MAVS: variants seen among roughly 807,000 people sequenced by gnomAD.
MAVS encodes mitochondrial antiviral-signaling protein.
In MAVS, 20 loss-of-function variants were observed where a neutral mutation model predicts 30.2. The observed-to-expected ratio is 0.66, with a 90% CI of 0.47 to 0.96. MAVS has a LOEUF of 0.96. Among genes scored for constraint, MAVS ranks in the 40% least tolerant of loss-of-function variants. MAVS has a pLI of 0.00. For synonymous variants in MAVS, 278 were observed against 293.9 expected (o/e 0.95, Z 0.55); for missense variants, 624 against 701.1 (o/e 0.89, Z 1.24).
In MAVS at chr20:3,873,759, G is replaced by A. The variant is rs760450024; in HGVS notation, c.*7612G>A. Reference sequence around the variant, plus strand: ...TGGACTTCCCAGCCTCTAGAACTGTGAGAAATAATTTTTTGTTGTTTACAA... The same window carrying A: ...TGGACTTCCCAGCCTCTAGAACTGTAAGAAATAATTTTTTGTTGTTTACAA... On this transcript the variant is annotated 3_prime_UTR_variant, in exon 7 of 7. Coordinates refer to ENST00000428216, the MANE Select transcript of MAVS (RefSeq NM_020746.5). The A allele has an allele frequency of 1.1e-5, 2 of 184,282 alleles. No homozygotes were observed. The highest frequency in any genetic ancestry group is 2.2e-5 in the Non-Finnish European group (2 of 90,128). The allele number at this position is 184,282 out of a possible 1,614,324, so 11.4% of individuals were successfully genotyped here.
intron 1 of MAVS, among the ~76,000 whole-genome samples, chr20:3,849,733 C>T (rs1313836818): frequency 2.6e-5 from 4 of 152,148 alleles, no homozygotes; most frequent in African/African-American, 4.8e-5. Context: ...GTCTCATTAC[C>T]TGCTTTACTT....
chr20:3,867,069 T>C lies in MAVS; in HGVS notation c.*922T>C, dbSNP rs1341590962. On this transcript the variant is annotated 3_prime_UTR_variant, in exon 7 of 7. Coordinates refer to ENST00000428216, the MANE Select transcript of MAVS (RefSeq NM_020746.5). ...TGCCAAGTGCCTGGCCCAGAGCAAG[T>C]GGCCACTGCTTCTCCCATCTCTCTC... The C allele has an allele frequency of 2.0e-5, 9 of 456,612 alleles. No individual in the cohort carries two copies. The highest frequency in any genetic ancestry group is 3.1e-5 in the Non-Finnish European group (7 of 226,972). 28.3% of individuals were successfully genotyped at this position (456,612 alleles called of 1,614,324 possible).
chr20:3,866,262 G>C lies in MAVS; in HGVS notation c.*115G>C. 9.9e-7 allele frequency: 1 copy of C among 1,012,290 alleles called. No homozygotes were observed. Among genetic ancestry groups the C allele is most frequent in the South Asian group, 1.7e-5 (1 of 58,920 alleles). The allele number at this position is 1,012,290 out of a possible 1,614,324, so 62.7% of individuals were successfully genotyped here. A position where few individuals can be genotyped will look rare whatever the true frequency, so the allele number is the denominator to read the frequency against. ...ATTGTGGAGGCTGGGTCAGAGGGGA[G>C]TTAAGGGACTGCAGGCCTGGCAGCA... On this transcript the variant is annotated 3_prime_UTR_variant, in exon 7 of 7. Coordinates refer to ENST00000428216, the MANE Select transcript of MAVS (RefSeq NM_020746.5).
rs2089905007 is a variant in MAVS, at chr20:3,866,013, G to A, written c.1489G>A (p.Ala497Thr). Residue 497 changes from alanine (A) to threonine (T), a missense_variant, in exon 7 of 7, where the codon GCC becomes ACC. Physicochemically the swap from Ala to Thr is moderately conservative, Grantham distance 58 (BLOSUM62 0). Coordinates refer to ENST00000428216, the MANE Select transcript of MAVS (RefSeq NM_020746.5). ...CCCGGATGGCGGCCCCAGGCCACAA[G>A]CCGACCGGAAGTTCCAGGAGAGGGA... ...ADPDGGPRPQ[A>T]DRKFQEREVP... 7 of 1,612,726 alleles carry A rather than the reference G, an allele frequency of 4.3e-6. No homozygotes were observed. The East Asian group carries it at 1.6e-4, about 36-fold the overall frequency.
rs1003888128 is a variant in MAVS at position 3,868,959 on chromosome 20, G to A, written c.*2812G>A. On this transcript the variant is annotated 3_prime_UTR_variant, in exon 7 of 7. Transcript: ENST00000428216. ...ACCCTGGGTAAGGCATGTAGAAAGGGTTGAGGGACCTTCCCAGTCCCCTAG... is the reference window on the plus strand; with the variant it reads ...ACCCTGGGTAAGGCATGTAGAAAGGATTGAGGGACCTTCCCAGTCCCCTAG... The A allele has an allele frequency of 6.6e-6, 1 of 152,294 alleles. No individual in the cohort carries two copies. The highest frequency in any genetic ancestry group is 1.5e-5 in the Non-Finnish European group (1 of 68,028). 9.4% of individuals were successfully genotyped at this position (152,294 alleles called of 1,614,324 possible). A position where few individuals can be genotyped will look rare whatever the true frequency, so the allele number is the denominator to read the frequency against.
intron 3 of MAVS, among the ~76,000 whole-genome samples, chr20:3,859,812 T>C (rs2089848966): frequency 1.3e-5 from 2 of 151,884 alleles, no homozygotes; most frequent in Non-Finnish European, 2.9e-5. Flanking sequence ...TGCCAAGTGA[T>C]GCTTGTCACT....
intron 2 of MAVS, 141 bp from the exon 3 acceptor site, chr20:3,857,494 C>A: frequency 2.1e-6 from 2 of 952,558 alleles, no homozygotes; most frequent in Non-Finnish European, 3.1e-6. Context: ...TGGCCCTGTC[C>A]TGGGCTCCGA....
At chr20:3,850,274 C>CAAAAA in intron 1 of MAVS, among the ~76,000 whole-genome samples, 1 of 44,458 alleles carries the variant, frequency 2.2e-5, no homozygotes, top group Non-Finnish European at 4.1e-5. Flanking sequence ...GAGACTGTCT[C>CAAAAA]AAAAAAAAAA....
rs762014329 is a variant in MAVS at position 3,865,984 on chromosome 20, C to G, written c.1460C>G (p.Ala487Gly). 5.0e-6 allele frequency: 8 copies of G among 1,613,076 alleles called. No homozygotes were observed. In the South Asian group the frequency reaches 8.8e-5, roughly 18 times the overall value. Reference protein sequence around the residue: ...QLLEGNPGPPADPDGGPRPQA... With the variant: ...QLLEGNPGPPGDPDGGPRPQA... ...CTGGAGGGCAACCCTGGGCCACCTGCGGACCCGGATGGCGGCCCCAGGCCA... is the reference window on the plus strand; with the variant it reads ...CTGGAGGGCAACCCTGGGCCACCTGGGGACCCGGATGGCGGCCCCAGGCCA... The change falls in exon 7 of 7, where the codon GCG becomes GGG. Residue 487 changes from alanine to glycine, a missense_variant. By Grantham distance (60) the Ala-to-Gly change is moderately conservative (BLOSUM62 0). Coordinates refer to ENST00000428216, the MANE Select transcript of MAVS (RefSeq NM_020746.5). The surrounding 1 kb of genome is among the most constrained non-coding windows in gnomAD (Gnocchi z 4.7).
chr20:3,850,834 C>T (rs1172157339), intron 1 of MAVS, among the ~76,000 whole-genome samples: 1 of 148,088 alleles, frequency 6.8e-6, no homozygotes, highest in Admixed American at 6.9e-5. Context: ...TGCAGTGAGC[C>T]GAGATTGCAC....
At position 3,866,673 on chromosome 20, in the gene MAVS, G is replaced by T. The variant is rs2089911426; in HGVS notation, c.*526G>T. ...GCGGCAGGGTGGCTGCTCTCCAGGA[G>T]CCCAACTGCCTTGAGTTCCTGCCCC... is the stretch of plus-strand genomic sequence containing the variant. On this transcript the variant is annotated 3_prime_UTR_variant, in exon 7 of 7. Transcript: ENST00000428216. 5.6e-6 allele frequency: 2 copies of T among 355,728 alleles called. No individual in the cohort carries two copies. Among genetic ancestry groups the T allele is most frequent in the Non-Finnish European group, 5.5e-6 (1 of 180,350 alleles). 22.0% of individuals were successfully genotyped at this position (355,728 alleles called of 1,614,324 possible). A position where few individuals can be genotyped will look rare whatever the true frequency, so the allele number is the denominator to read the frequency against.
Position 3,871,939 on chromosome 20 carries a change from C to A in MAVS, c.*5792C>A, listed in dbSNP as rs2089958749. On this transcript the variant is annotated 3_prime_UTR_variant, in exon 7 of 7. Transcript: ENST00000428216. The stretch of plus-strand genomic sequence containing the variant: ...GCCAGGCATTAAGCTAAGTGCTTTA[C>A]ATATATTAAGTCATTTAATCCTCAT... The A allele has an allele frequency of 6.6e-6, 1 of 152,318 alleles. No individual in the cohort carries two copies. Among genetic ancestry groups the A allele is most frequent in the Non-Finnish European group, 1.5e-5 (1 of 68,036 alleles). 9.4% of individuals were successfully genotyped at this position (152,318 alleles called of 1,614,324 possible). A position where few individuals can be genotyped will look rare whatever the true frequency, so the allele number is the denominator to read the frequency against.
At chr20:3,848,195 G>A (rs955125879) in intron 1 of MAVS, among the ~76,000 whole-genome samples, 2 of 151,996 alleles carry the variant, frequency 1.3e-5, no homozygotes, top group African/African-American at 4.8e-5. Flanking sequence ...TGCCTCCTGG[G>A]TCTAGAGATT....
chr20:3,867,254 C>T lies in MAVS; in HGVS notation c.*1107C>T. The T allele has an allele frequency of 2.8e-6, 1 of 358,264 alleles. No individual in the cohort carries two copies. Among genetic ancestry groups the T allele is most frequent in the South Asian group, 2.1e-5 (1 of 48,170 alleles). 22.2% of individuals were successfully genotyped at this position (358,264 alleles called of 1,614,324 possible). A position where few individuals can be genotyped will look rare whatever the true frequency, so the allele number is the denominator to read the frequency against. On this transcript the variant is annotated 3_prime_UTR_variant, in exon 7 of 7. Coordinates refer to ENST00000428216, the MANE Select transcript of MAVS (RefSeq NM_020746.5). ...TTATCTGTCTGTCCCTTAGTTTTCT[C>T]ACCTGTAAAAGGAGGATAAGTATAT...
chr20:3,854,560 T>C lies in MAVS; in HGVS notation c.-65T>C. 6 of 1,120,842 alleles carry C rather than the reference T, an allele frequency of 5.4e-6. No individual in the cohort carries two copies. Among genetic ancestry groups the C allele is most frequent in the Non-Finnish European group, 6.6e-6 (5 of 754,538 alleles). 69.4% of individuals were successfully genotyped at this position (1,120,842 alleles called of 1,614,324 possible). A position where few individuals can be genotyped will look rare whatever the true frequency, so the allele number is the denominator to read the frequency against. On this transcript the variant is annotated splice_region_variant and 5_prime_UTR_variant, in exon 2 of 7. Coordinates refer to ENST00000428216, the MANE Select transcript of MAVS (RefSeq NM_020746.5). The stretch of plus-strand genomic sequence containing the variant: ...ATGTGTGATCTGTTTTCTTCCAGTC[T>C]CGTTTCCTCTCAGTCCATCCACCCT...
chr20:3,848,253 C>T (rs758644683), intron 1 of MAVS, among the ~76,000 whole-genome samples: 36 of 152,234 alleles, frequency 2.4e-4, no homozygotes, highest in East Asian at 5.8e-4. Context: ...TGTGTGCCAC[C>T]ATGCCTGGCT....
Position 3,870,154 on chromosome 20 carries a change from A to G in MAVS, c.*4007A>G, listed in dbSNP as rs1173977269. ...CAGATAATGTGGAGGTCAGAACCCAAGGAAGGGAGTGAGACCTCCACTCCC... is the reference window on the plus strand; with the variant it reads ...CAGATAATGTGGAGGTCAGAACCCAGGGAAGGGAGTGAGACCTCCACTCCC... On this transcript the variant is annotated 3_prime_UTR_variant, in exon 7 of 7. Coordinates refer to ENST00000428216, the MANE Select transcript of MAVS (RefSeq NM_020746.5). The G allele has an allele frequency of 4.6e-5, 7 of 152,242 alleles. No homozygotes were observed. The highest frequency in any genetic ancestry group is 4.6e-4 in the Admixed American group (7 of 15,274). The allele number at this position is 152,242 out of a possible 1,614,324, so 9.4% of individuals were successfully genotyped here. A position where few individuals can be genotyped will look rare whatever the true frequency, so the allele number is the denominator to read the frequency against.
rs1282176965 is a variant in MAVS, at chr20:3,875,402, G to A, written c.*9255G>A. On this transcript the variant is annotated 3_prime_UTR_variant, in exon 7 of 7. Transcript: ENST00000428216. ...TGTACTCCAGCCTGGGTGACAGAGC[G>A]AGACCCAGACTCAAAAAATAAAAAT... The A allele has an allele frequency of 6.6e-6, 1 of 151,046 alleles. No homozygotes were observed. Among genetic ancestry groups the A allele is most frequent in the Non-Finnish European group, 1.5e-5 (1 of 67,918 alleles). 9.4% of individuals were successfully genotyped at this position (151,046 alleles called of 1,614,324 possible).
intron 3 of MAVS, among the ~76,000 whole-genome samples, chr20:3,860,861 G>C (rs1259523490): frequency 3.3e-5 from 5 of 151,982 alleles, no homozygotes; most frequent in Non-Finnish European, 7.4e-5. Context: ...ATTTTTAGTA[G>C]AGACGGGGTT....
Sources: allele counts gnomAD v4.1 joint callset (sites outside exome capture counted in the v4.1 genomes callset), GRCh38; gene constraint gnomAD v4.1.1; non-coding constraint Gnocchi (gnomAD v3.1); transcripts MANE v1.5; gene names NCBI Gene and HGNC (gene_info 2026-07-23, HGNC 2026-07-21).